Variants in PEBP4 observed in about 807,000 individuals in gnomAD.
PEBP4 encodes phosphatidylethanolamine-binding protein 4.
Under a neutral mutation model 23.9 loss-of-function variants are expected in PEBP4, and 22 were observed. The observed-to-expected ratio is 0.92, with a 90% CI of 0.66 to 1.31. The LOEUF is 1.31. Ranked by LOEUF, PEBP4 falls within the 40% of genes most tolerant of loss-of-function variation. The pLI is 0.00. For missense variants in PEBP4, 324 were observed against 281.7 expected (o/e 1.15, Z -1.07); for synonymous variants, 112 against 99.3 (o/e 1.13, Z -0.76).
chr8:22,870,296 A>G (rs545261102), intron 3 of PEBP4, among the ~76,000 whole-genome samples: 1 of 152,380 alleles, frequency 6.6e-6, no homozygotes, highest in Non-Finnish European at 1.5e-5. Flanking sequence ...ACGCAGAGGA[A>G]TCTTAAATGC....
chr8:22,929,706 T>C (rs369801406), upstream of PEBP4, among the ~76,000 whole-genome samples: 18 of 152,294 alleles, frequency 1.2e-4, no homozygotes, highest in East Asian at 3.3e-3. Flanking sequence ...GTTGAGTCCA[T>C]TGAGTCCATG....
chr8:22,767,003 G>T (rs1481608692), intron 4 of PEBP4, among the ~76,000 whole-genome samples: 5 of 152,232 alleles, frequency 3.3e-5, no homozygotes, highest in Admixed American at 2.0e-4. Flanking sequence ...TTCACCGTGG[G>T]GGTCTAGAGT....
intron 3 of PEBP4, among the ~76,000 whole-genome samples, chr8:22,919,478 G>T (rs558890118): frequency 6.6e-6 from 1 of 152,310 alleles, no homozygotes; most frequent in Non-Finnish European, 1.5e-5. Context: ...GGCCAGATCA[G>T]CTTCCCCAAA....
At chr8:22,791,881 G>A (rs1040165898) in intron 4 of PEBP4, among the ~76,000 whole-genome samples, 2 of 151,830 alleles carry the variant, frequency 1.3e-5, no homozygotes, top group Admixed American at 1.3e-4. Context: ...TTTTTAGACA[G>A]GGTCTCAATC....
chr8:22,872,362 C>T (rs1290477061), intron 3 of PEBP4, among the ~76,000 whole-genome samples: 1 of 152,206 alleles, frequency 6.6e-6, no homozygotes, highest in Non-Finnish European at 1.5e-5. Context: ...CCAAGCCACA[C>T]CTCCTGGCCT....
At chr8:22,779,807 G>T (rs151212447) in intron 4 of PEBP4, among the ~76,000 whole-genome samples, 2 of 152,188 alleles carry the variant, frequency 1.3e-5, no homozygotes, top group Non-Finnish European at 2.9e-5. Flanking sequence ...TATTTTCCAA[G>T]AATAAATGGG....
At chr8:22,875,838 T>C (rs145813561) in intron 3 of PEBP4, among the ~76,000 whole-genome samples, 1,991 of 152,208 alleles carry the variant, frequency 0.013, 40 homozygotes, top group African/African-American at 0.045. Flanking sequence ...GGTATTGCAT[T>C]GAGTCTTCCT....
chr8:22,728,564 C>CTTCA (rs1804668429), intron 4 of PEBP4, among the ~76,000 whole-genome samples: 1 of 41,800 alleles, frequency 2.4e-5, no homozygotes, highest in Non-Finnish European at 8.1e-5. Flanking sequence ...TTCTTTCTTC[C>CTTCA]TTCCTTCCTT....
At chr8:22,879,523 A>G (rs1220906906) in intron 3 of PEBP4, 1 of 152,232 alleles carries the variant, frequency 6.6e-6, no homozygotes, top group Non-Finnish European at 1.5e-5. Context: ...TTCCAATTCC[A>G]GCTCTTCAAT....
At chr8:22,788,692 A>T (rs140569958) in intron 4 of PEBP4, among the ~76,000 whole-genome samples, 6 of 152,358 alleles carry the variant, frequency 3.9e-5, no homozygotes, top group African/African-American at 1.4e-4. Context: ...AAATTGATAC[A>T]AGGATTCTAC....
intron 3 of PEBP4, among the ~76,000 whole-genome samples, chr8:22,859,145 G>A (rs1392491470): frequency 6.6e-6 from 1 of 152,178 alleles, no homozygotes; most frequent in African/African-American, 2.4e-5. Flanking sequence ...GTCTTAGGCT[G>A]AGAGAAGCCC....
At chr8:22,918,864 C>T (rs966357149) in intron 3 of PEBP4, among the ~76,000 whole-genome samples, 1 of 152,166 alleles carries the variant, frequency 6.6e-6, no homozygotes, top group African/African-American at 2.4e-5. Context: ...TGTGCCCAGT[C>T]CAAGGGTTTC....
intron 4 of PEBP4, among the ~76,000 whole-genome samples, chr8:22,771,906 C>T (rs764216123): frequency 1.9e-4 from 29 of 152,254 alleles, no homozygotes; most frequent in South Asian, 6.2e-4. Context: ...CCCTGAGCTG[C>T]TACTCTCAGC....
intron 3 of PEBP4, among the ~76,000 whole-genome samples, chr8:22,911,966 C>T (rs925159767): frequency 2.0e-5 from 3 of 152,182 alleles, no homozygotes; most frequent in Non-Finnish European, 4.4e-5. Flanking sequence ...GCGGCCCAAT[C>T]GCTGAGCGTG....
At chr8:22,801,355 T>A (rs1045848809) in intron 4 of PEBP4, among the ~76,000 whole-genome samples, 16 of 152,170 alleles carry the variant, frequency 1.1e-4, no homozygotes, top group African/African-American at 3.9e-4. Flanking sequence ...AGCAGTCGTA[T>A]GGACCCAGGT....
At chr8:22,741,348 C>G (rs1190177970) in intron 4 of PEBP4, among the ~76,000 whole-genome samples, 1 of 152,198 alleles carries the variant, frequency 6.6e-6, no homozygotes, top group Non-Finnish European at 1.5e-5. Context: ...TGAATGTGGC[C>G]CACCAGGGCC....
rs1037619550 is a variant in PEBP4 at position 22,865,086 on chromosome 8, A to G, written c.259-47351T>C. 2.6e-4 allele frequency among the ~76,000 whole-genome samples: 39 copies of G among 152,074 alleles called. No homozygotes were observed. Among genetic ancestry groups the G allele is most frequent in the Non-Finnish European group, 1.5e-5 (1 of 67,994 alleles). On this transcript the variant is annotated intron_variant, in intron 3 of 6. Coordinates refer to ENST00000256404, the MANE Select transcript of PEBP4 (RefSeq NM_144962.3). The surrounding 1 kb of genome is among the most constrained non-coding windows in gnomAD (Gnocchi z 6.9). ...CGGGGACCTGCAGGGCCAGACGCCG[A>G]GCCCTGGATGCGAGGTGGGGGTAGA...
At chr8:22,854,158 G>A (rs1377474160) in intron 3 of PEBP4, among the ~76,000 whole-genome samples, 1 of 152,116 alleles carries the variant, frequency 6.6e-6, no homozygotes, top group African/African-American at 2.4e-5. Flanking sequence ...TTCAGGAATC[G>A]ACTGAGTTAC....
intron 4 of PEBP4, among the ~76,000 whole-genome samples, chr8:22,740,319 C>T (rs760143779): frequency 9.9e-5 from 15 of 152,230 alleles, no homozygotes; most frequent in South Asian, 4.1e-4. Flanking sequence ...ATTCAAATCA[C>T]GGCTTGCTCT....
Sources: gnomAD v4.1 joint callset for allele counts (sites outside exome capture counted in the v4.1 genomes callset) on GRCh38, gnomAD v4.1.1 for gene constraint, Gnocchi (gnomAD v3.1) non-coding constraint, MANE v1.5 for transcripts, NCBI Gene and HGNC (gene_info 2026-07-23, HGNC 2026-07-21) for gene names.